Variants in HK1 observed in about 807,000 individuals in gnomAD.
HK1 encodes hexokinase-1.
Under a neutral mutation model 91.6 loss-of-function variants are expected in HK1, and 28 were observed. The ratio of observed to expected loss-of-function variants is 0.31; its 90% CI spans 0.23 to 0.42. HK1 has a LOEUF of 0.42. HK1 is among the 10% of genes least tolerant of loss of function. The pLI is 1.00. For missense variants in HK1, 770 were observed against 1,219.8 expected (o/e 0.63, Z 5.49); for synonymous variants, 430 against 468.1 (o/e 0.92, Z 1.05).
chr10:69,338,735 G>C, intron 1 of HK1: 3 of 1,242,936 alleles, frequency 2.4e-6, no homozygotes, highest in Non-Finnish European at 3.1e-6. Flanking sequence ...GTATGTGTGA[G>C]TGTGTGAGAG....
intron 2 of HK1, among the ~76,000 whole-genome samples, chr10:69,283,378 C>T (rs1046070093): frequency 6.7e-6 from 1 of 149,012 alleles, no homozygotes; most frequent in African/African-American, 2.5e-5. Flanking sequence ...CACTTGGGCG[C>T]AGGAGGTCAA....
intron 1 of HK1, among the ~76,000 whole-genome samples, chr10:69,320,437 C>T (rs1378645284): frequency 6.6e-6 from 1 of 152,102 alleles, no homozygotes; most frequent in African/African-American, 2.4e-5. Context: ...CCGTGGCACT[C>T]GAAACACTTG....
At chr10:69,316,917 CTTG>C (rs749063499), upstream of HK1, among the ~76,000 whole-genome samples, 3 of 152,198 alleles carry the variant, frequency 2.0e-5, no homozygotes, top group Non-Finnish European at 4.4e-5. Context: ...GAACAACCAT[CTTG>C]TTCTCATTCA....
intron 3 of HK1, among the ~76,000 whole-genome samples, chr10:69,360,756 T>C (rs762755469): frequency 2.6e-5 from 4 of 152,154 alleles, no homozygotes; most frequent in Non-Finnish European, 4.4e-5. Flanking sequence ...TGTAGCTCAC[T>C]GAGGACCCTG....
upstream of HK1, among the ~76,000 whole-genome samples, chr10:69,315,476 G>T (rs892697108): frequency 2.0e-5 from 3 of 152,218 alleles, no homozygotes; most frequent in Non-Finnish European, 4.4e-5. Flanking sequence ...GGACTTGAAG[G>T]GAAGTGGAGG....
At chr10:69,281,605 A>T (rs1390601863) in intron 1 of HK1, among the ~76,000 whole-genome samples, 1 of 152,206 alleles carries the variant, frequency 6.6e-6, no homozygotes, top group Non-Finnish European at 1.5e-5. Flanking sequence ...CTTGATAGCT[A>T]TCATGATTCA....
At chr10:69,376,534 C>A (rs182042510) in intron 7 of HK1, among the ~76,000 whole-genome samples, 1 of 152,078 alleles carries the variant, frequency 6.6e-6, no homozygotes, top group Non-Finnish European at 1.5e-5. Flanking sequence ...TACATACATA[C>A]GTACATACAT....
At chr10:69,392,348 G>T (rs1255567884) in intron 15 of HK1, 40 bp downstream of exon 15, 3 of 1,608,100 alleles carry the variant, frequency 1.9e-6, no homozygotes, top group African/African-American at 1.3e-5. Flanking sequence ...CAGTCAGGGT[G>T]GGGGCAGCAC....
At chr10:69,336,443 G>A (rs558631477) in intron 1 of HK1, among the ~76,000 whole-genome samples, 3 of 151,672 alleles carry the variant, frequency 2.0e-5, no homozygotes, top group East Asian at 1.9e-4. Flanking sequence ...CACCAGCCTC[G>A]GCCTCCCAAA....
intron 4 of HK1, among the ~76,000 whole-genome samples, chr10:69,365,168 G>A (rs1849637326): frequency 6.6e-6 from 1 of 152,152 alleles, no homozygotes. Context: ...TCTTAGGCAA[G>A]CAAAGGAAAA....
intron 1 of HK1, among the ~76,000 whole-genome samples, chr10:69,335,716 A>G (rs1463976510): frequency 5.3e-5 from 8 of 152,312 alleles, no homozygotes; most frequent in East Asian, 1.9e-4. Context: ...CGCTGTGCCA[A>G]TTAGAGAGGC....
intron 1 of HK1, chr10:69,338,591 C>T (rs1258477940): frequency 2.3e-6 from 3 of 1,289,386 alleles, no homozygotes; most frequent in African/African-American, 1.5e-5. Context: ...GGGAGGGATT[C>T]TTCGGGCACT....
intron 1 of HK1, among the ~76,000 whole-genome samples, chr10:69,271,398 G>A (rs556896096): frequency 8.6e-5 from 13 of 152,002 alleles, no homozygotes; most frequent in African/African-American, 2.2e-4. Context: ...GTGGCACCAT[G>A]GTAATACATG....
chr10:69,394,993 C>A lies in HK1; in HGVS notation c.2263C>A (p.Arg755Ser). 1.2e-6 allele frequency: 2 copies of A among 1,614,042 alleles called. No individual in the cohort carries two copies. Among genetic ancestry groups the A allele is most frequent in the Non-Finnish European group, 1.7e-6 (2 of 1,179,972 alleles). ...TGGTATGTACCTGGGTGAAATCGTCCGCAACATCTTAATCGACTTCACCAA... is the reference window on the plus strand; with the variant it reads ...TGGTATGTACCTGGGTGAAATCGTCAGCAACATCTTAATCGACTTCACCAA... The part of the protein sequence containing the change: ...ISGMYLGEIV[R>S]NILIDFTKKG... Residue 755 changes from arginine (R) to serine (S), a missense_variant, in exon 16 of 18, where the codon CGC becomes AGC. Coordinates refer to ENST00000359426, the MANE Select transcript of HK1 (RefSeq NM_000188.3).
chr10:69,365,696 G>A (rs1849664563), intron 4 of HK1, among the ~76,000 whole-genome samples: 1 of 152,150 alleles, frequency 6.6e-6, no homozygotes, highest in Non-Finnish European at 1.5e-5. Flanking sequence ...TGGGCAATCT[G>A]TACAAAAAGT....
chr10:69,355,217 G>A (rs1210092682), intron 2 of HK1, among the ~76,000 whole-genome samples: 3 of 152,014 alleles, frequency 2.0e-5, no homozygotes. Context: ...GTAAGTTCCA[G>A]AAATATAGCA....
chr10:69,295,388 G>A (rs1167464351), intron 3 of HK1, among the ~76,000 whole-genome samples: 1 of 152,188 alleles, frequency 6.6e-6, no homozygotes, highest in African/African-American at 2.4e-5. Context: ...CCAACACAGT[G>A]CCTGGTACAT....
rs564449801 is a variant in HK1 at position 69,401,224 on chromosome 10, C to T, written c.*89C>T. On this transcript the variant is annotated 3_prime_UTR_variant, in exon 18 of 18. Transcript: ENST00000359426. Reference sequence around the variant, plus strand: ...CCTCCCAGCGAGTTGCGCTGGGAGACGCTGGCGCCAGGGCCTGCCGGCGCG... The same window carrying T: ...CCTCCCAGCGAGTTGCGCTGGGAGATGCTGGCGCCAGGGCCTGCCGGCGCG... The T allele has an allele frequency of 4.7e-5, 70 of 1,488,824 alleles. No individual in the cohort carries two copies. The highest frequency in any genetic ancestry group is 5.9e-5 in the Non-Finnish European group (65 of 1,097,278). 92.2% of individuals were successfully genotyped at this position (1,488,824 alleles called of 1,614,324 possible).
intron 1 of HK1, among the ~76,000 whole-genome samples, chr10:69,341,988 A>G (rs1253738736): frequency 6.6e-6 from 1 of 152,038 alleles, no homozygotes; most frequent in African/African-American, 2.4e-5. Flanking sequence ...TCTCTACTAA[A>G]AATACAAAAA....
Sources: allele counts gnomAD v4.1 joint callset (sites outside exome capture counted in the v4.1 genomes callset), GRCh38; gene constraint gnomAD v4.1.1; transcripts MANE v1.5; gene names NCBI Gene and HGNC (gene_info 2026-07-23, HGNC 2026-07-21).